Variants in WNK2 observed in about 807,000 individuals in gnomAD.
The protein encoded by WNK2 is serine/threonine-protein kinase WNK2.
In WNK2, 67 loss-of-function variants were observed where a neutral mutation model predicts 192.1. That is an observed-to-expected ratio of 0.35 (90% CI 0.29 to 0.43). WNK2 has a LOEUF of 0.43. Ranked by LOEUF, WNK2 falls within the 20% of genes least tolerant of loss-of-function variation. WNK2 has a pLI of 1.00. For missense variants in WNK2, 2,698 were observed against 3,089.7 expected, an observed-to-expected ratio of 0.87 and a Z score of 3.01; for synonymous variants, 1,439 against 1,393.9, an observed-to-expected ratio of 1.03 and a Z score of -0.72.
chr9:93,300,201 C>T, intron 26 of WNK2, 52 bp downstream of exon 26: 1 of 1,418,678 alleles, frequency 7.0e-7, no homozygotes, highest in Non-Finnish European at 9.9e-7. Context: ...TGGTTTTCTC[C>T]CCCCACCCCC....
intron 28 of WNK2, 44 bp downstream of exon 28, chr9:93,308,628 G>GCCT: frequency 6.6e-7 from 1 of 1,508,892 alleles, no homozygotes; most frequent in Non-Finnish European, 8.9e-7. Flanking sequence ...GGGTGGGGTA[G>GCCT]CCTTGCCTCC....
chr9:93,189,992 C>T (rs1055603670), intron 2 of WNK2, among the ~76,000 whole-genome samples: 6 of 152,314 alleles, frequency 3.9e-5, no homozygotes, highest in Middle Eastern at 3.4e-3. Flanking sequence ...AGGCTTGACC[C>T]GATTTGGCTG....
intron 8 of WNK2, among the ~76,000 whole-genome samples, chr9:93,251,837 A>G (rs1000341082): frequency 6.6e-6 from 1 of 152,098 alleles, no homozygotes; most frequent in African/African-American, 2.4e-5. Context: ...GGATGTGACC[A>G]CTCGGCTCAT....
chr9:93,239,965 GCCCAAGAGATGGTAAGCAGGA>G lies in WNK2; in HGVS notation c.1533_1542+11del. ...GGAGAAGGAGACGCCGGATGAGGTGGCCCAAGAGATGGTAAGCAGGACTCAGATGGGGTGAGGTGGGTGCAG... is the reference window on the plus strand; with the variant it reads ...GGAGAAGGAGACGCCGGATGAGGTGGCTCAGATGGGGTGAGGTGGGTGCAG... On this transcript the variant is annotated splice_donor_variant and splice_donor_5th_base_variant and coding_sequence_variant and intron_variant, in exon 7 of 30. Coordinates refer to ENST00000427277, the MANE Select transcript of WNK2 (RefSeq NM_006648.4). LOFTEE classifies it high-confidence loss of function. This position sits in a 1 kb window ranked among gnomAD's most constrained non-coding sequence, Gnocchi z 4.2. 6.2e-7 allele frequency: 1 copy of G among 1,610,674 alleles called. No individual in the cohort carries two copies. The highest frequency in any genetic ancestry group is 8.5e-7 in the Non-Finnish European group (1 of 1,178,472).
In WNK2 at chr9:93,184,210, C is replaced by T. The variant is rs1006608240; in HGVS notation, c.-178C>T. On this transcript the variant is annotated 5_prime_UTR_variant, in exon 1 of 30. Coordinates refer to ENST00000427277, the MANE Select transcript of WNK2 (RefSeq NM_006648.4). The stretch of plus-strand genomic sequence containing the variant: ...AAGCCGGCAGGAGCACGCGGGAGCG[C>T]GGCCCCGCAGTGGCCCGGCCCGAGA... Among the ~76,000 whole-genome samples, 12 of 150,420 alleles carry T rather than the reference C, an allele frequency of 8.0e-5. No homozygotes were observed. Among genetic ancestry groups the T allele is most frequent in the Admixed American group, 7.9e-4 (12 of 15,126 alleles).
chr9:93,300,963 A>G (rs1851500090), intron 26 of WNK2, among the ~76,000 whole-genome samples: 1 of 152,106 alleles, frequency 6.6e-6, no homozygotes, highest in African/African-American at 2.4e-5. Context: ...GGAGCACTTT[A>G]CTTGCTGTAT....
chr9:93,292,983 G>A lies in WNK2; in HGVS notation c.5518G>A (p.Ala1840Thr). Residue 1840 changes from alanine to threonine, a missense_variant, in exon 23 of 30, where the codon GCC becomes ACC. Physicochemically the swap from Ala to Thr is moderately conservative, Grantham distance 58 (BLOSUM62 0). Coordinates refer to ENST00000427277, the MANE Select transcript of WNK2 (RefSeq NM_006648.4). ...GSVAGDFVKK[A>T]TAFLQRPSRA... ...CGTGGCTGGCGACTTCGTGAAGAAG[G>A]CCACCGCCTTCCTGCAGAGGCCTTC... 1 of 1,558,516 alleles carries A rather than the reference G, an allele frequency of 6.4e-7. No homozygotes were observed. Among genetic ancestry groups the A allele is most frequent in the Non-Finnish European group, 8.7e-7 (1 of 1,154,604 alleles).
At chr9:93,311,271 A>G (rs983227918) in intron 28 of WNK2, among the ~76,000 whole-genome samples, 2 of 152,164 alleles carry the variant, frequency 1.3e-5, no homozygotes, top group Non-Finnish European at 2.9e-5. Context: ...AGGCTGAGTG[A>G]TAGTTCATTT....
rs1002690013 is a variant in WNK2, at chr9:93,214,703, C to G, written c.682-14993C>G. On this transcript the variant is annotated intron_variant, in intron 2 of 29. Coordinates refer to ENST00000427277, the MANE Select transcript of WNK2 (RefSeq NM_006648.4). ...CTGCCCCTTTGAAGGTAGTGCCCCC[C>G]CCCCCCCCGCCCTCTCTTTGCTGAG... 8.8e-5 allele frequency among the ~76,000 whole-genome samples: 9 copies of G among 102,268 alleles called. 1 individual carries two copies. The highest frequency in any genetic ancestry group is 2.6e-4 in the African/African-American group (7 of 26,804). The allele number at this position is 102,268 out of a possible 152,430, so 67.1% of individuals were successfully genotyped here. A position where few individuals can be genotyped will look rare whatever the true frequency, so the allele number is the denominator to read the frequency against.
intron 2 of WNK2, among the ~76,000 whole-genome samples, chr9:93,208,868 G>A (rs776966320): frequency 8.5e-6 from 1 of 116,970 alleles, no homozygotes; most frequent in African/African-American, 3.1e-5. Context: ...GTGTGTACAG[G>A]TTCTGTGAGT....
chr9:93,199,754 C>T (rs1051864121), intron 2 of WNK2, among the ~76,000 whole-genome samples: 3 of 152,056 alleles, frequency 2.0e-5, no homozygotes, highest in Non-Finnish European at 4.4e-5. Context: ...AAAAAATTAG[C>T]TGGGCCTGGT....
At chr9:93,319,662 G>A (rs959980596) in intron 29 of WNK2, among the ~76,000 whole-genome samples, 5 of 152,228 alleles carry the variant, frequency 3.3e-5, no homozygotes, top group African/African-American at 9.6e-5. Context: ...CAGATGGGCC[G>A]AGCTCAGGGG....
At chr9:93,287,343 G>T (rs1278874350) in intron 19 of WNK2, among the ~76,000 whole-genome samples, 1 of 152,138 alleles carries the variant, frequency 6.6e-6, no homozygotes, top group African/African-American at 2.4e-5. Context: ...GCGTGTGCCT[G>T]GCAGGACACG....
chr9:93,206,426 G>C (rs559702988), intron 2 of WNK2, among the ~76,000 whole-genome samples: 1 of 152,292 alleles, frequency 6.6e-6, no homozygotes, highest in Admixed American at 6.5e-5. Context: ...ACTTGCCCTG[G>C]CTCCAGTCCC....
intron 4 of WNK2, among the ~76,000 whole-genome samples, chr9:93,234,252 C>T (rs374345236): frequency 2.6e-5 from 4 of 152,206 alleles, no homozygotes; most frequent in South Asian, 2.1e-4. Context: ...TTTTCTACCC[C>T]ACCCTCATTC....
At chr9:93,303,226 A>G (rs114735456) in intron 26 of WNK2, among the ~76,000 whole-genome samples, 3,382 of 152,268 alleles carry the variant, frequency 0.022, 119 homozygotes, top group African/African-American at 0.078. Flanking sequence ...GGCCCAGTGC[A>G]TTCTAAGGGA....
intron 14 of WNK2, chr9:93,263,245 G>A (rs919059779): frequency 1.3e-5 from 6 of 473,002 alleles, no homozygotes; most frequent in Admixed American, 1.1e-4. Flanking sequence ...AGTGGTGGGT[G>A]TGTTTCTGTT....
intron 12 of WNK2, among the ~76,000 whole-genome samples, chr9:93,260,300 G>T (rs1487312150): frequency 6.6e-6 from 1 of 152,180 alleles, no homozygotes; most frequent in African/African-American, 2.4e-5. Context: ...TCAAACTCGA[G>T]TGAGGTGAGA....
intron 2 of WNK2, among the ~76,000 whole-genome samples, chr9:93,226,726 A>G (rs1232966418): frequency 1.3e-5 from 2 of 152,074 alleles, no homozygotes; most frequent in Admixed American, 6.5e-5. Context: ...GTCCTACCAG[A>G]CATATTCTTT....
Sources: allele counts gnomAD v4.1 joint callset (sites outside exome capture counted in the v4.1 genomes callset), GRCh38; gene constraint gnomAD v4.1.1; non-coding constraint Gnocchi (gnomAD v3.1); transcripts MANE v1.5; gene names NCBI Gene and HGNC (gene_info 2026-07-23, HGNC 2026-07-21).